Variants in NTRK2 observed in about 807,000 individuals in gnomAD.
The protein encoded by NTRK2 is BDNF/NT-3 growth factors receptor.
A neutral mutation model predicts 94.5 loss-of-function variants in NTRK2; 13 were observed. The observed-to-expected ratio is 0.14, with a 90% CI of 0.09 to 0.22. NTRK2 has a LOEUF of 0.22. Ranked by LOEUF, NTRK2 falls within the 10% of genes least tolerant of loss-of-function variation. NTRK2 has a pLI of 1.00. For missense variants in NTRK2, 639 were observed against 1,071.2 expected (o/e 0.60, Z 5.63); for synonymous variants, 372 against 407.4 (o/e 0.91, Z 1.05).
chr9:84,797,635 T>A (rs1313828889), intron 12 of NTRK2, among the ~76,000 whole-genome samples: 9 of 68,730 alleles, frequency 1.3e-4, no homozygotes, highest in Admixed American at 7.9e-4. Context: ...TATTATATAT[T>A]ATATATACTA....
intron 14 of NTRK2, among the ~76,000 whole-genome samples, chr9:84,900,820 C>G (rs1451054827): frequency 6.6e-6 from 1 of 152,150 alleles, no homozygotes. Flanking sequence ...TTCCTCTCCC[C>G]CAAGTCTTCA....
rs145141734 is a variant in NTRK2 at position 84,954,975 on chromosome 9, C to T, written c.1938-308C>T. Among the ~76,000 whole-genome samples, 250 of 152,302 alleles carry T rather than the reference C, an allele frequency of 1.6e-3. 2 individuals are homozygous for T. The South Asian group carries it at 0.019, about 11-fold the overall frequency. On this transcript the variant is annotated intron_variant, in intron 16 of 18. Transcript: ENST00000277120. Reference sequence around the variant, plus strand: ...GTAAGTGCCTGAACCCAGCACAGTGCCAGAGCCCCTAAAATGTCAACCTGT... The same window carrying T: ...GTAAGTGCCTGAACCCAGCACAGTGTCAGAGCCCCTAAAATGTCAACCTGT...
In NTRK2 at chr9:84,710,811, A is replaced by T; in HGVS notation, c.583+20A>T. On this transcript the variant is annotated intron_variant, in intron 6 of 18. Transcript: ENST00000277120. ...ATTGTGGTAATTTATTTTTAAATCA[A>T]TGTGTTCTAGTTGCTATTAATTATT... is the stretch of plus-strand genomic sequence containing the variant. The T allele has an allele frequency of 6.2e-7, 1 of 1,613,364 alleles. No individual in the cohort carries two copies. Among genetic ancestry groups the T allele is most frequent in the Non-Finnish European group, 8.5e-7 (1 of 1,179,320 alleles).
intron 17 of NTRK2, among the ~76,000 whole-genome samples, chr9:84,961,913 T>G (rs79846687): frequency 0.066 from 10,020 of 152,240 alleles, 335 homozygotes; most frequent in East Asian, 0.098. Flanking sequence ...TAGGCCAGGA[T>G]AGAGAGGAAG....
chr9:84,798,884 C>G (rs1001148387), intron 12 of NTRK2, among the ~76,000 whole-genome samples: 1 of 147,170 alleles, frequency 6.8e-6, no homozygotes, highest in Non-Finnish European at 1.5e-5. Context: ...TTACTGAACA[C>G]CTGCTATATG....
chr9:84,699,784 A>G (rs1444303019), intron 2 of NTRK2, among the ~76,000 whole-genome samples: 3 of 147,202 alleles, frequency 2.0e-5, no homozygotes, highest in Non-Finnish European at 4.5e-5. Context: ...TTTCCCACAT[A>G]GTTTTGTGCA....
At chr9:84,724,505 C>T (rs2062307539) in intron 8 of NTRK2, 149 bp downstream of exon 8, 2 of 919,398 alleles carry the variant, frequency 2.2e-6, no homozygotes, top group African/African-American at 1.6e-5. Flanking sequence ...ACATTATCAG[C>T]CTCTTTTACT....
intron 14 of NTRK2, among the ~76,000 whole-genome samples, chr9:84,925,449 T>C (rs1484320430): frequency 6.6e-6 from 1 of 152,088 alleles, no homozygotes; most frequent in African/African-American, 2.4e-5. Flanking sequence ...TAGGCTGCCT[T>C]CTATTGTCTT....
chr9:84,934,138 T>G, intron 14 of NTRK2, 24 bp from the exon 15 acceptor site: 2 of 1,613,360 alleles, frequency 1.2e-6, no homozygotes, highest in Non-Finnish European at 1.7e-6. Context: ...CAATTCCAAT[T>G]TCCATTCTGT....
rs779427037 is a variant in NTRK2, at chr9:84,710,808, T to C, written c.583+17T>C. ...CCAATTGTGGTAATTTATTTTTAAATCAATGTGTTCTAGTTGCTATTAATT... is the reference window on the plus strand; with the variant it reads ...CCAATTGTGGTAATTTATTTTTAAACCAATGTGTTCTAGTTGCTATTAATT... On this transcript the variant is annotated intron_variant, in intron 6 of 18. Transcript: ENST00000277120. 1.9e-6 allele frequency: 3 copies of C among 1,613,598 alleles called. No individual in the cohort carries two copies. The highest frequency in any genetic ancestry group is 2.5e-6 in the Non-Finnish European group (3 of 1,179,476).
At chr9:84,966,349 C>T (rs1030852372) in intron 17 of NTRK2, among the ~76,000 whole-genome samples, 16 of 152,232 alleles carry the variant, frequency 1.1e-4, no homozygotes, top group South Asian at 1.0e-3. Flanking sequence ...ATCTTGAAAG[C>T]GATGAGATTT....
intron 17 of NTRK2, among the ~76,000 whole-genome samples, chr9:84,993,358 A>G (rs186529180): frequency 2.0e-5 from 3 of 152,278 alleles, no homozygotes; most frequent in Admixed American, 1.3e-4. Flanking sequence ...TCCTCTCCCA[A>G]TAGCCTCTTT....
chr9:84,702,441 T>G, intron 4 of NTRK2, 22 bp downstream of exon 4: 2 of 1,602,578 alleles, frequency 1.2e-6, no homozygotes, highest in Non-Finnish European at 8.6e-7. Context: ...TTGATTCTTT[T>G]GCTTCCCAGG....
At chr9:84,953,994 T>C (rs1019058021) in intron 16 of NTRK2, among the ~76,000 whole-genome samples, 1 of 152,120 alleles carries the variant, frequency 6.6e-6, no homozygotes, top group African/African-American at 2.4e-5. Flanking sequence ...GCTTGAATAG[T>C]TGGGGGAAGG....
chr9:84,939,019 TCCA>T (rs1401915098), intron 15 of NTRK2, among the ~76,000 whole-genome samples: 1 of 117,166 alleles, frequency 8.5e-6, no homozygotes. Context: ...ACCACTGCAC[TCCA>T]CTCTGGGTGA....
intron 17 of NTRK2, among the ~76,000 whole-genome samples, chr9:84,995,300 C>G (rs78992725): frequency 0.067 from 10,196 of 151,760 alleles, 862 homozygotes; most frequent in African/African-American, 0.2. Flanking sequence ...TTTTTTTTTC[C>G]CCCAGAACAG....
intron 11 of NTRK2, among the ~76,000 whole-genome samples, chr9:84,749,247 A>T (rs2064367922): frequency 6.6e-6 from 1 of 152,032 alleles, no homozygotes; most frequent in South Asian, 2.1e-4. Flanking sequence ...AAAAGTCTAT[A>T]CTCAAACATT....
chr9:85,007,421 T>C (rs1831092009), intron 17 of NTRK2, among the ~76,000 whole-genome samples: 1 of 152,220 alleles, frequency 6.6e-6, no homozygotes, highest in Non-Finnish European at 1.5e-5. Flanking sequence ...GCAGCCATTC[T>C]GATGACTTTT....
At chr9:84,738,800 T>C (rs1488328976) in intron 9 of NTRK2, among the ~76,000 whole-genome samples, 1 of 152,208 alleles carries the variant, frequency 6.6e-6, no homozygotes, top group African/African-American at 2.4e-5. Flanking sequence ...AACTCTGTTA[T>C]AGTTCGTCTC....
Sources: gnomAD v4.1 joint callset for allele counts (sites outside exome capture counted in the v4.1 genomes callset) on GRCh38, gnomAD v4.1.1 for gene constraint, MANE v1.5 for transcripts, NCBI Gene and HGNC (gene_info 2026-07-23, HGNC 2026-07-21) for gene names.